The following FBXL2 variants were observed in gnomAD, a reference collection of about 807,000 sequenced individuals.
The protein encoded by FBXL2 is F-box and leucine rich repeat protein 2, also known as F-box/LRR-repeat protein 2.
Under a neutral mutation model 69.2 loss-of-function variants are expected in FBXL2, and 38 were observed. The ratio of observed to expected loss-of-function variants is 0.55; its 90% CI spans 0.42 to 0.72. FBXL2 has a LOEUF of 0.72. Ranked by LOEUF, FBXL2 falls within the 30% of genes least tolerant of loss-of-function variation. The pLI, the probability that FBXL2 is intolerant of heterozygous loss-of-function variation, is 0.00. For missense variants in FBXL2, 354 were observed against 520.3 expected, an observed-to-expected ratio of 0.68 and a Z score of 3.11; for synonymous variants, 192 against 201.3, an observed-to-expected ratio of 0.95 and a Z score of 0.39.
downstream of FBXL2, chr3:33,390,576 A>C: frequency 1.7e-6 from 1 of 601,204 alleles, no homozygotes; most frequent in Non-Finnish European, 3.0e-6. Context: ...CATTCTGCGA[A>C]GCCTGGCCCA....
intron 12 of FBXL2, among the ~76,000 whole-genome samples, chr3:33,400,538 T>G (rs962758742): frequency 2.0e-5 from 3 of 152,148 alleles, no homozygotes; most frequent in African/African-American, 4.8e-5. Context: ...ATGGACAACA[T>G]GAACATTTCA....
chr3:33,303,213 G>A lies in FBXL2; in HGVS notation c.65+5488G>A. 2.6e-5 allele frequency: 12 copies of A among 455,456 alleles called. 2 individuals are homozygous for A. Among genetic ancestry groups the A allele is most frequent in the South Asian group, 1.9e-4 (12 of 64,352 alleles). The allele number at this position is 455,456 out of a possible 1,614,324, so 28.2% of individuals were successfully genotyped here. On this transcript the variant is annotated intron_variant, in intron 2 of 14. Transcript: ENST00000484457. ...TTCAATTTCAAATTTAAGCATCTATGCAGATTTTCCCTCTTTGCCGAAGAG... is the reference window on the plus strand; with the variant it reads ...TTCAATTTCAAATTTAAGCATCTATACAGATTTTCCCTCTTTGCCGAAGAG...
intron 2 of FBXL2, among the ~76,000 whole-genome samples, chr3:33,336,792 C>G (rs1377305105): frequency 6.6e-6 from 1 of 152,078 alleles, no homozygotes; most frequent in Non-Finnish European, 1.5e-5. Flanking sequence ...GTAGTCCCAG[C>G]TACTCAGGAG....
intron 2 of FBXL2, among the ~76,000 whole-genome samples, chr3:33,311,656 C>T (rs953929436): frequency 1.3e-5 from 2 of 151,914 alleles, no homozygotes; most frequent in East Asian, 3.9e-4. Context: ...CAGAGTCTTG[C>T]TCTGTTCGCC....
chr3:33,277,574 C>G (rs1020843401), intron 1 of FBXL2, 59 bp downstream of exon 1: 2 of 1,249,862 alleles, frequency 1.6e-6, no homozygotes, highest in Non-Finnish European at 2.0e-6. Context: ...GGGCTGGGTC[C>G]GCACGCCGCC....
intron 2 of FBXL2, among the ~76,000 whole-genome samples, chr3:33,340,288 AT>A (rs941712337): frequency 6.6e-6 from 1 of 152,126 alleles, no homozygotes; most frequent in Non-Finnish European, 1.5e-5. Flanking sequence ...ATAAAAAATC[AT>A]TTTTGTGGGG....
chr3:33,305,753 G>GT (rs1207710160), intron 2 of FBXL2, among the ~76,000 whole-genome samples: 3 of 151,748 alleles, frequency 2.0e-5, no homozygotes, highest in South Asian at 2.1e-4. Flanking sequence ...CTTTTTTTCT[G>GT]TTTTTTCTTG....
chr3:33,317,610 AG>A, intron 2 of FBXL2: 1 of 438,964 alleles, frequency 2.3e-6, no homozygotes. Context: ...TCCTAGCAGT[AG>A]GGGTATGTTT....
At chr3:33,369,104 T>C (rs1194660117) in intron 5 of FBXL2, among the ~76,000 whole-genome samples, 1 of 151,626 alleles carries the variant, frequency 6.6e-6, no homozygotes, top group Admixed American at 6.6e-5. Flanking sequence ...CAGGCTGCAG[T>C]GCAGTGGCAC....
At chr3:33,279,423 A>T (rs2033718592) in intron 1 of FBXL2, among the ~76,000 whole-genome samples, 1 of 152,138 alleles carries the variant, frequency 6.6e-6, no homozygotes, top group African/African-American at 2.4e-5. Flanking sequence ...GGCGAGTGCC[A>T]CCACGCCCAG....
rs1575450794 is a variant in FBXL2, at chr3:33,396,133, G to A, written n.1215-7101G>A. The A allele has an allele frequency of 9.2e-6, 14 of 1,518,748 alleles. No individual in the cohort carries two copies. In the East Asian group the frequency reaches 3.2e-4, roughly 35 times the overall value. 94.1% of individuals were successfully genotyped at this position (1,518,748 alleles called of 1,614,324 possible). A position where few individuals can be genotyped will look rare whatever the true frequency, so the allele number is the denominator to read the frequency against. The stretch of plus-strand genomic sequence containing the variant: ...GTTTCTGTCTGACAGTCTCAGAAGT[G>A]ACAGAATTGAGATGCCCTCAATACC... On this transcript the variant is annotated intron_variant and non_coding_transcript_variant, in intron 12 of 12. Coordinates refer to the FBXL2 transcript ENST00000463736.
At chr3:33,302,215 G>A (rs2036356586) in intron 2 of FBXL2, among the ~76,000 whole-genome samples, 1 of 152,118 alleles carries the variant, frequency 6.6e-6, no homozygotes, top group Non-Finnish European at 1.5e-5. Flanking sequence ...AAGTAACTCT[G>A]TGAAGGCCCA....
chr3:33,299,876 T>C (rs1005553129), intron 2 of FBXL2, among the ~76,000 whole-genome samples: 71 of 152,254 alleles, frequency 4.7e-4, no homozygotes, highest in African/African-American at 1.7e-3. Context: ...CCCAAAAGGC[T>C]TTGCTCAAGC....
At position 33,342,930 on chromosome 3, in the gene FBXL2, C is replaced by T. The variant is rs1024918131; in HGVS notation, c.66-16037C>T. On this transcript the variant is annotated intron_variant, in intron 2 of 14. Coordinates refer to ENST00000484457, the MANE Select transcript of FBXL2 (RefSeq NM_012157.5). ...TTTTTTTTGGTATTTTTAGTAGAGA[C>T]GGGGTTTCACCGTTTTAGCCAGGAT... Among the ~76,000 whole-genome samples the T allele has an allele frequency of 4.5e-5, 6 of 133,064 alleles. No homozygotes were observed. The South Asian group carries it at 9.5e-4, about 21-fold the overall frequency. 87.3% of individuals were successfully genotyped at this position (133,064 alleles called of 152,430 possible). A position where few individuals can be genotyped will look rare whatever the true frequency, so the allele number is the denominator to read the frequency against.
At chr3:33,354,546 T>C (rs2041064043) in intron 2 of FBXL2, among the ~76,000 whole-genome samples, 1 of 150,830 alleles carries the variant, frequency 6.6e-6, no homozygotes, top group African/African-American at 2.4e-5. Context: ...GATAAACAAA[T>C]GTGAAAGGTG....
intron 3 of FBXL2, 61 bp downstream of exon 3, chr3:33,359,082 G>T: frequency 8.5e-7 from 1 of 1,172,498 alleles, no homozygotes; most frequent in South Asian, 1.8e-5. Context: ...ATGAGTTTTA[G>T]TTCAAATTAC....
In FBXL2 at chr3:33,320,741, A is replaced by T. The variant is rs145394606; in HGVS notation, c.65+23016A>T. On this transcript the variant is annotated intron_variant, in intron 2 of 14. Transcript: ENST00000484457. ...TGATCCACCTTCCTCGGCCTCCCAA[A>T]ATGCTGGGATTACAGGCGTGAGCCA... 4.2e-3 allele frequency among the ~76,000 whole-genome samples: 638 copies of T among 152,174 alleles called. 5 individuals are homozygous for T. Among genetic ancestry groups the T allele is most frequent in the Non-Finnish European group, 6.2e-3 (421 of 67,988 alleles).
rs1474828171 is a variant in FBXL2, at chr3:33,346,691, A to G, written c.66-12276A>G. Among the ~76,000 whole-genome samples the G allele has an allele frequency of 3.3e-5, 5 of 152,342 alleles. No individual in the cohort carries two copies. The East Asian group carries it at 7.7e-4, about 23-fold the overall frequency. ...TTTGAAATGTTCAGTAAAATTGCTA[A>G]TCCTTTAGTCAGACTAACCAAGATA... On this transcript the variant is annotated intron_variant, in intron 2 of 14. Coordinates refer to ENST00000484457, the MANE Select transcript of FBXL2 (RefSeq NM_012157.5).
chr3:33,409,365 T>C, the FBXL2 span: 1 of 1,614,034 alleles, frequency 6.2e-7, no homozygotes, highest in Non-Finnish European at 8.5e-7. Context: ...CAAAGTATAC[T>C]ATTTCATCTA....
Sources: gnomAD v4.1 joint callset for allele counts (sites outside exome capture counted in the v4.1 genomes callset) on GRCh38, gnomAD v4.1.1 for gene constraint, MANE v1.5 for transcripts, NCBI Gene and HGNC (gene_info 2026-07-23, HGNC 2026-07-21) for gene names.